FEM1C: variants seen among roughly 807,000 people sequenced by gnomAD.
FEM1C encodes the protein fem-1 homolog C.
FEM1C carries 15 observed loss-of-function variants against 37.6 expected under a neutral mutation model. The ratio of observed to expected loss-of-function variants is 0.40; its 90% confidence interval spans 0.27 to 0.61. The LOEUF is 0.61. FEM1C is among the 20% of genes least tolerant of loss of function. The pLI, the probability that FEM1C is intolerant of heterozygous loss-of-function variation, is 0.42. For synonymous variants in FEM1C, 287 were observed against 272.8 expected, an observed-to-expected ratio of 1.05 and a Z score of -0.51; for missense variants, 532 against 749.7, an observed-to-expected ratio of 0.71 and a Z score of 3.39.
At chr5:115,542,134 C>A (rs1486623784) in intron 2 of FEM1C, among the ~76,000 whole-genome samples, 2 of 152,084 alleles carry the variant, frequency 1.3e-5, no homozygotes, top group African/African-American at 4.8e-5. Context: ...ATTATGCTAT[C>A]AAGGCAGTTG....
At chr5:115,542,107 G>A (rs1295659237) in intron 2 of FEM1C, among the ~76,000 whole-genome samples, 2 of 152,046 alleles carry the variant, frequency 1.3e-5, no homozygotes, top group South Asian at 4.1e-4. Flanking sequence ...GGGAAGTTAA[G>A]GTTTTCAAGT....
intron 2 of FEM1C, among the ~76,000 whole-genome samples, chr5:115,540,506 G>A (rs1353914280): frequency 6.6e-6 from 1 of 151,930 alleles, no homozygotes; most frequent in Non-Finnish European, 1.5e-5. Context: ...GGAAAAAAAT[G>A]ACTTAGAATA....
chr5:115,541,675 G>C (rs1415717418), intron 2 of FEM1C, among the ~76,000 whole-genome samples: 3 of 152,062 alleles, frequency 2.0e-5, no homozygotes, highest in African/African-American at 7.2e-5. Context: ...ATAGAGACTA[G>C]ATAAATTATG....
intron 2 of FEM1C, among the ~76,000 whole-genome samples, chr5:115,526,204 A>G (rs1043003422): frequency 6.6e-6 from 1 of 152,076 alleles, no homozygotes; most frequent in African/African-American, 2.4e-5. Flanking sequence ...TTTGACTCTA[A>G]TAGTAGTCAG....
chr5:115,529,946 C>A (rs1431204662), intron 2 of FEM1C, among the ~76,000 whole-genome samples: 3 of 151,376 alleles, frequency 2.0e-5, no homozygotes, highest in Non-Finnish European at 4.4e-5. Context: ...ACAGGCAGGA[C>A]AAATAAAAAT....
rs909754351 is a variant in FEM1C, at chr5:115,524,781, G to C, written c.1381C>G (p.Gln461Glu). ...LLEKVPCTLE[Q>E]DHFKKQTIYR... ...ATAGTCTGCTTTTTGAAATGGTCTT[G>C]TTCTAGAGTACAAGGAACTTTCTCT... The change falls in exon 3 of 3, where the codon CAA becomes GAA. Residue 461 changes from glutamine to glutamate, a missense_variant. Around this residue, in one of 3 missense-constraint regions of FEM1C, gnomAD observed 237 missense variants for 260.5 expected, o/e 0.91. Transcript: ENST00000274457. 3 of 1,580,754 alleles carry C rather than the reference G, an allele frequency of 1.9e-6. No individual in the cohort carries two copies. The highest frequency in any genetic ancestry group is 2.6e-6 in the Non-Finnish European group (3 of 1,165,432).
intron 2 of FEM1C, among the ~76,000 whole-genome samples, chr5:115,540,363 G>GA (rs1754214551): frequency 6.6e-6 from 1 of 152,108 alleles, no homozygotes; most frequent in Non-Finnish European, 1.5e-5. Context: ...TTCTGCACAT[G>GA]AAGTGACAAT....
In FEM1C at chr5:115,544,767, G is replaced by A. The variant is rs1754323329; in HGVS notation, c.-435C>T. 1 of 152,590 alleles carries A rather than the reference G, an allele frequency of 6.6e-6. No homozygotes were observed. The highest frequency in any genetic ancestry group is 2.1e-4 in the South Asian group (1 of 4,852). The allele number at this position is 152,590 out of a possible 1,614,324, so 9.5% of individuals were successfully genotyped here. A position where few individuals can be genotyped will look rare whatever the true frequency, so the allele number is the denominator to read the frequency against. ...CAGCGGCTGCAGCGACTGCTGCGAC[G>A]GATGGTGTAATGGGCTGCGAGCCGG... On this transcript the variant is annotated 5_prime_UTR_variant, in exon 1 of 3. Coordinates refer to ENST00000274457, the MANE Select transcript of FEM1C (RefSeq NM_020177.3).
Position 115,521,583 on chromosome 5 carries a change from G to C in FEM1C, c.*2725C>G, listed in dbSNP as rs1486771685. On this transcript the variant is annotated 3_prime_UTR_variant, in exon 3 of 3. Transcript: ENST00000274457. ...TTTTATAGAAATGATCAAAACAGTGGAACATCTAAAATTCAGGAGGCCCCA... is the reference window on the plus strand; with the variant it reads ...TTTTATAGAAATGATCAAAACAGTGCAACATCTAAAATTCAGGAGGCCCCA... The C allele has an allele frequency of 6.6e-6, 1 of 151,616 alleles. No individual in the cohort carries two copies. The highest frequency in any genetic ancestry group is 1.5e-5 in the Non-Finnish European group (1 of 67,738). The allele number at this position is 151,616 out of a possible 1,614,324, so 9.4% of individuals were successfully genotyped here. A position where few individuals can be genotyped will look rare whatever the true frequency, so the allele number is the denominator to read the frequency against.
At position 115,523,973 on chromosome 5, in the gene FEM1C, A is replaced by C. The variant is rs1434125028; in HGVS notation, c.*335T>G. The C allele has an allele frequency of 4.8e-6, 1 of 207,250 alleles. No individual in the cohort carries two copies. Among genetic ancestry groups the C allele is most frequent in the Non-Finnish European group, 9.7e-6 (1 of 103,494 alleles). 12.8% of individuals were successfully genotyped at this position (207,250 alleles called of 1,614,324 possible). On this transcript the variant is annotated 3_prime_UTR_variant, in exon 3 of 3. Transcript: ENST00000274457. ...ACTTTCAATTGTATAAAATTCACAA[A>C]CCAGTAAAGTATAAAGACACCATGG...
intron 2 of FEM1C, among the ~76,000 whole-genome samples, chr5:115,540,629 T>C (rs184441767): frequency 5.4e-4 from 82 of 152,220 alleles, no homozygotes; most frequent in African/African-American, 1.8e-3. Context: ...AGTTAAATAC[T>C]GTTCACAGCT....
chr5:115,528,403 T>C (rs1332830462), intron 2 of FEM1C, among the ~76,000 whole-genome samples: 1 of 152,040 alleles, frequency 6.6e-6, no homozygotes, highest in Admixed American at 6.6e-5. Context: ...CTTGCAGGGA[T>C]AGAGGGGAAA....
rs771012328 is a variant in FEM1C at position 115,543,446 on chromosome 5, G to C, written c.48C>G (p.Leu16=). 1.2e-6 allele frequency: 2 copies of C among 1,613,914 alleles called. No homozygotes were observed. The highest frequency in any genetic ancestry group is 2.2e-5 in the South Asian group (2 of 91,082). ...TTGCCAACAATTTGGTGAGAAGCCGGAGTTTGCCATCCCGAGCTGCGTTAA... is the reference window on the plus strand; with the variant it reads ...TTGCCAACAATTTGGTGAGAAGCCGCAGTTTGCCATCCCGAGCTGCGTTAA... ...AVFNAARDGK[L]RLLTKLLASK... Residue 16 remains leucine (L), a synonymous_variant, in exon 2 of 3, where the codon CTC becomes CTG. Transcript: ENST00000274457.
In FEM1C at chr5:115,524,614, T is replaced by C. The variant is rs1164918309; in HGVS notation, c.1548A>G (p.Glu516=). 1.2e-6 allele frequency: 2 copies of C among 1,605,658 alleles called. No individual in the cohort carries two copies. Among genetic ancestry groups the C allele is most frequent in the Non-Finnish European group, 1.7e-6 (2 of 1,176,560 alleles). The part of the protein sequence containing the change: ...PSLQVTAILI[E]CGADVNVRDS... ...CTCTGACGTTCACATCAGCACCACA[T>C]TCTATCAGTATTGCAGTAACTTGTA... Residue 516 remains glutamate (E), a synonymous_variant, in exon 3 of 3, where the codon GAA becomes GAG. Coordinates refer to ENST00000274457, the MANE Select transcript of FEM1C (RefSeq NM_020177.3).
rs1753769634 is a variant in FEM1C, at chr5:115,521,333, T to C, written c.*2975A>G. ...AAAGAGCTACTTTTCCCATATAACC[T>C]AAACAATTTTCCCAAATAATAGTAG... On this transcript the variant is annotated 3_prime_UTR_variant, in exon 3 of 3. Transcript: ENST00000274457. 6.6e-6 allele frequency: 1 copy of C among 151,774 alleles called. No homozygotes were observed. Among genetic ancestry groups the C allele is most frequent in the South Asian group, 2.1e-4 (1 of 4,832 alleles). 9.4% of individuals were successfully genotyped at this position (151,774 alleles called of 1,614,324 possible). A position where few individuals can be genotyped will look rare whatever the true frequency, so the allele number is the denominator to read the frequency against.
chr5:115,533,852 A>G (rs1415055434), intron 2 of FEM1C, among the ~76,000 whole-genome samples: 1 of 151,958 alleles, frequency 6.6e-6, no homozygotes, highest in Non-Finnish European at 1.5e-5. Flanking sequence ...AAGGAAGAGA[A>G]AAAGAAAAAC....
chr5:115,543,716 A>G, intron 1 of FEM1C, 33 bp from the exon 2 acceptor site: 1 of 1,346,828 alleles, frequency 7.4e-7, no homozygotes, highest in Non-Finnish European at 9.5e-7. Context: ...GCAGCATTTA[A>G]TTTTCTATAG....
intron 2 of FEM1C, among the ~76,000 whole-genome samples, chr5:115,532,561 T>C (rs975176084): frequency 6.6e-6 from 1 of 152,012 alleles, no homozygotes. Flanking sequence ...AGGCATGATC[T>C]TAAAGCAATT....
At position 115,520,922 on chromosome 5, in the gene FEM1C, AATTTT is replaced by A. The variant is rs1199474498; in HGVS notation, c.*3381_*3385del. 6.6e-6 allele frequency: 1 copy of A among 152,116 alleles called. No individual in the cohort carries two copies. Among genetic ancestry groups the A allele is most frequent in the Non-Finnish European group, 1.5e-5 (1 of 67,716 alleles). The allele number at this position is 152,116 out of a possible 1,614,324, so 9.4% of individuals were successfully genotyped here. A position where few individuals can be genotyped will look rare whatever the true frequency, so the allele number is the denominator to read the frequency against. ...ATACACTTAAATTTGGTGCAAATTT[AATTTT>A]ATTAAACCTTACAATGAATGTTGTG... On this transcript the variant is annotated 3_prime_UTR_variant, in exon 3 of 3. Transcript: ENST00000274457.
Sources: allele counts gnomAD v4.1 joint callset (sites outside exome capture counted in the v4.1 genomes callset), GRCh38; gene constraint gnomAD v4.1.1; regional missense constraint gnomAD v4.1.1; transcripts MANE v1.5; gene names NCBI Gene and HGNC (gene_info 2026-07-23, HGNC 2026-07-21).